The following GPC6 variants were observed in gnomAD, a reference collection of about 807,000 sequenced individuals.
GPC6 encodes glypican 6.
In GPC6, 14 loss-of-function variants were observed where a neutral mutation model predicts 55.2. The ratio of observed to expected loss-of-function variants is 0.25; its 90% CI spans 0.17 to 0.40. The LOEUF is 0.40. GPC6 is among the 10% of genes least tolerant of loss of function. GPC6 has a pLI of 1.00. For synonymous variants in GPC6, 278 were observed against 259.6 expected, an observed-to-expected ratio of 1.07 and a Z score of -0.68; for missense variants, 641 against 708.5, an observed-to-expected ratio of 0.90 and a Z score of 1.08.
chr13:93,430,505 T>C (rs768105628), intron 1 of GPC6, among the ~76,000 whole-genome samples: 1 of 151,830 alleles, frequency 6.6e-6, no homozygotes, highest in Non-Finnish European at 1.5e-5. Context: ...AAACAGTAAG[T>C]GGGAAGAGAT....
At chr13:94,213,396 G>A (rs1004373189) in intron 4 of GPC6, among the ~76,000 whole-genome samples, 2 of 152,186 alleles carry the variant, frequency 1.3e-5, no homozygotes, top group Admixed American at 6.5e-5. Context: ...CTTTATGCAC[G>A]CTTCTGTCAG....
intron 1 of GPC6, among the ~76,000 whole-genome samples, chr13:93,296,203 T>C (rs1007456042): frequency 6.6e-5 from 10 of 152,182 alleles, no homozygotes; most frequent in Non-Finnish European, 1.5e-4. Context: ...GAGAGTCCTA[T>C]TTGACTTTTC....
intron 3 of GPC6, among the ~76,000 whole-genome samples, chr13:93,842,707 A>G (rs1352569605): frequency 1.3e-5 from 2 of 152,126 alleles, no homozygotes; most frequent in Non-Finnish European, 2.9e-5. Context: ...TACTGAGGAA[A>G]TTTAAGTTGT....
At chr13:93,301,617 C>A (rs1199624109) in intron 1 of GPC6, among the ~76,000 whole-genome samples, 1 of 152,132 alleles carries the variant, frequency 6.6e-6, no homozygotes, top group Admixed American at 6.5e-5. Context: ...TACTCCAGTG[C>A]CCATTTGATT....
At chr13:93,844,322 A>G (rs1888083226) in intron 3 of GPC6, among the ~76,000 whole-genome samples, 1 of 152,120 alleles carries the variant, frequency 6.6e-6, no homozygotes, top group Non-Finnish European at 1.5e-5. Flanking sequence ...TATTTTTAGT[A>G]GAGACGGGGT....
chr13:93,589,156 T>G (rs1460332167), intron 2 of GPC6, among the ~76,000 whole-genome samples: 1 of 150,832 alleles, frequency 6.6e-6, no homozygotes, highest in Non-Finnish European at 1.5e-5. Context: ...ACCCTTAATC[T>G]AGATTCCCTA....
intron 2 of GPC6, among the ~76,000 whole-genome samples, chr13:93,573,867 T>C (rs1187680694): frequency 1.3e-5 from 2 of 152,176 alleles, no homozygotes; most frequent in Non-Finnish European, 2.9e-5. Flanking sequence ...TACAGCAAAC[T>C]GTGGAAATTA....
At chr13:93,434,443 G>T (rs1877488394) in intron 1 of GPC6, among the ~76,000 whole-genome samples, 1 of 152,114 alleles carries the variant, frequency 6.6e-6, no homozygotes, top group African/African-American at 2.4e-5. Flanking sequence ...ATATTGTGGG[G>T]ACAGTGAGGA....
chr13:93,710,698 C>CA (rs140877387), intron 2 of GPC6, among the ~76,000 whole-genome samples: 130 of 145,944 alleles, frequency 8.9e-4, no homozygotes, highest in African/African-American at 3.2e-3. Flanking sequence ...TCCCCCCCCC[C>CA]AAAAAAAATA....
intron 2 of GPC6, among the ~76,000 whole-genome samples, chr13:93,684,440 G>A (rs185332468): frequency 5.9e-5 from 9 of 152,070 alleles, no homozygotes; most frequent in East Asian, 3.9e-4. Flanking sequence ...CACCTGCCTC[G>A]GCCTCTCAAA....
At chr13:93,743,140 C>A (rs58557743) in intron 2 of GPC6, among the ~76,000 whole-genome samples, 5,065 of 152,102 alleles carry the variant, frequency 0.033, 266 homozygotes, top group African/African-American at 0.11. Context: ...CAACAGGGCC[C>A]AGAGATAGAG....
chr13:93,676,870 T>C (rs1412369725), intron 2 of GPC6, among the ~76,000 whole-genome samples: 1 of 151,990 alleles, frequency 6.6e-6, no homozygotes, highest in African/African-American at 2.4e-5. Flanking sequence ...AATGGGATGG[T>C]CTGGAACTCT....
intron 1 of GPC6, among the ~76,000 whole-genome samples, chr13:93,515,182 GTCATCT>G (rs1051917955): frequency 6.6e-6 from 1 of 152,062 alleles, no homozygotes; most frequent in Non-Finnish European, 1.5e-5. Flanking sequence ...TAAGAAGATG[GTCATCT>G]TTAAATCAGG....
At chr13:93,676,117 AAAAAAAAAAATATATATATATATATAT>A (rs1364565688) in intron 2 of GPC6, among the ~76,000 whole-genome samples, 5 of 16,918 alleles carry the variant, frequency 3.0e-4, no homozygotes, top group African/African-American at 6.8e-4. Context: ...AAAAAAAAAA[AAAAAAAAAAATATATATATATATATAT>A]ATATATATAT....
At chr13:93,661,089 T>C (rs1046374307) in intron 2 of GPC6, among the ~76,000 whole-genome samples, 4 of 152,190 alleles carry the variant, frequency 2.6e-5, no homozygotes, top group African/African-American at 9.6e-5. Context: ...CTGTAGTACA[T>C]GCAAGGAGAC....
chr13:93,268,128 G>A (rs1877386815), intron 1 of GPC6, among the ~76,000 whole-genome samples: 1 of 152,176 alleles, frequency 6.6e-6, no homozygotes, highest in African/African-American at 2.4e-5. Flanking sequence ...ATATTTTAAA[G>A]TGGGTTATAT....
intron 1 of GPC6, among the ~76,000 whole-genome samples, chr13:93,519,371 G>A (rs757808926): frequency 6.6e-5 from 10 of 151,912 alleles, no homozygotes; most frequent in African/African-American, 2.2e-4. Flanking sequence ...ACATTCTTCC[G>A]TAAAAGTGGG....
At chr13:94,054,362 C>G (rs1884058965) in intron 4 of GPC6, among the ~76,000 whole-genome samples, 1 of 152,174 alleles carries the variant, frequency 6.6e-6, no homozygotes, top group African/African-American at 2.4e-5. Context: ...GTGGTAAATT[C>G]ATTTAGATCA....
Position 93,383,350 on chromosome 13 carries a change from A to T in GPC6, c.160+155734A>T, listed in dbSNP as rs368037627. 9.2e-5 allele frequency among the ~76,000 whole-genome samples: 14 copies of T among 152,274 alleles called. 1 individual carries two copies. Among genetic ancestry groups the T allele is most frequent in the African/African-American group, 2.9e-4 (12 of 41,562 alleles). On this transcript the variant is annotated intron_variant, in intron 1 of 8. Coordinates refer to ENST00000377047, the MANE Select transcript of GPC6 (RefSeq NM_005708.5). ...CCTCAGTCTCCGGAGTAGCTGGGAC[A>T]GCAGGTGTGCACCACCACACCCAGC...
Sources: gnomAD v4.1 joint callset for allele counts (sites outside exome capture counted in the v4.1 genomes callset) on GRCh38, gnomAD v4.1.1 for gene constraint, MANE v1.5 for transcripts, NCBI Gene and HGNC (gene_info 2026-07-23, HGNC 2026-07-21) for gene names.